The following SLC16A10 variants were observed in gnomAD, a reference collection of about 807,000 sequenced individuals.
SLC16A10 encodes monocarboxylate transporter 10.
In SLC16A10, 27 loss-of-function variants were observed where a neutral mutation model predicts 40.0. That is an observed-to-expected ratio of 0.67 (90% CI 0.50 to 0.93). SLC16A10 has a LOEUF of 0.93. SLC16A10 is among the 40% of genes least tolerant of loss of function. The pLI is 0.00. For missense variants in SLC16A10, 529 were observed against 658.2 expected (o/e 0.80, Z 2.15); for synonymous variants, 213 against 249.8 (o/e 0.85, Z 1.39).
chr6:111,149,436 T>G (rs983058867), intron 1 of SLC16A10, among the ~76,000 whole-genome samples: 3 of 152,254 alleles, frequency 2.0e-5, no homozygotes, highest in African/African-American at 7.2e-5. Flanking sequence ...TTGTGAAGTC[T>G]TGTTCATCAT....
intron 3 of SLC16A10, among the ~76,000 whole-genome samples, chr6:111,192,706 A>T (rs1773015640): frequency 6.6e-6 from 1 of 152,188 alleles, no homozygotes; most frequent in African/African-American, 2.4e-5. Flanking sequence ...GAGGCCTCAC[A>T]ATCATGGTGG....
intron 1 of SLC16A10, among the ~76,000 whole-genome samples, chr6:111,139,092 C>CTTCTT (rs202229156): frequency 0.46 from 55,347 of 119,144 alleles, 13,195 homozygotes; most frequent in East Asian, 0.65. Context: ...TCTTCTTCTT[C>CTTCTT]TTTTTTTTTT....
At chr6:111,113,676 G>A (rs553628030) in intron 1 of SLC16A10, among the ~76,000 whole-genome samples, 2 of 152,292 alleles carry the variant, frequency 1.3e-5, no homozygotes, top group African/African-American at 4.8e-5. Context: ...GACAGACAGT[G>A]GGTACAGGTC....
At chr6:111,119,122 C>T (rs535951427) in intron 1 of SLC16A10, among the ~76,000 whole-genome samples, 10 of 152,102 alleles carry the variant, frequency 6.6e-5, no homozygotes, top group Non-Finnish European at 1.2e-4. Flanking sequence ...AACTTAATAT[C>T]GCTGACACAA....
chr6:111,175,636 GTTA>G (rs1025687529), intron 2 of SLC16A10, among the ~76,000 whole-genome samples: 4 of 151,884 alleles, frequency 2.6e-5, no homozygotes, highest in African/African-American at 9.7e-5. Flanking sequence ...TTTGTTCTGT[GTTA>G]TTATTATTTG....
At chr6:111,144,837 A>G (rs906058181) in intron 1 of SLC16A10, among the ~76,000 whole-genome samples, 2 of 152,080 alleles carry the variant, frequency 1.3e-5, no homozygotes, top group Admixed American at 1.3e-4. Context: ...GTTTGTTTTA[A>G]AAACATTCTT....
At chr6:111,090,631 GCA>G (rs368322303) in intron 1 of SLC16A10, among the ~76,000 whole-genome samples, 2 of 151,090 alleles carry the variant, frequency 1.3e-5, no homozygotes, top group African/African-American at 2.4e-5. Context: ...TTCCTTCAGT[GCA>G]CACACACACA....
intron 4 of SLC16A10, among the ~76,000 whole-genome samples, chr6:111,216,408 T>C (rs1169919745): frequency 1.3e-5 from 2 of 151,968 alleles, no homozygotes; most frequent in African/African-American, 4.8e-5. Context: ...ATTCTTTTCT[T>C]TTCTTTTTTT....
chr6:111,098,445 A>G (rs1418371377), intron 1 of SLC16A10, among the ~76,000 whole-genome samples: 1 of 152,238 alleles, frequency 6.6e-6, no homozygotes, highest in Non-Finnish European at 1.5e-5. Context: ...ATTTTTAAAA[A>G]GAGTAAATTG....
chr6:111,208,625 GT>G (rs1773293101), intron 4 of SLC16A10, among the ~76,000 whole-genome samples: 1 of 152,054 alleles, frequency 6.6e-6, no homozygotes, highest in South Asian at 2.1e-4. Context: ...GTGGAATGGA[GT>G]GGAGGAGGGG....
intron 1 of SLC16A10, among the ~76,000 whole-genome samples, chr6:111,170,351 T>A (rs2114539282): frequency 6.6e-6 from 1 of 152,336 alleles, no homozygotes; most frequent in African/African-American, 2.4e-5. Flanking sequence ...TATCTAAAAG[T>A]AGATGTTAGT....
intron 1 of SLC16A10, among the ~76,000 whole-genome samples, chr6:111,128,867 TTTTA>T (rs1162155698): frequency 1.3e-5 from 2 of 152,042 alleles, no homozygotes; most frequent in African/African-American, 4.8e-5. Flanking sequence ...TTCATATTCA[TTTTA>T]TTTTTTCATA....
Position 111,177,484 on chromosome 6 carries a change from TTGCTACCAG to T in SLC16A10, c.763_771del (p.Ala255_Ser257del). 6.2e-7 allele frequency: 1 copy of T among 1,614,112 alleles called. No homozygotes were observed. Among genetic ancestry groups the T allele is most frequent in the African/African-American group, 1.3e-5 (1 of 75,036 alleles). ...CTGGCTGGCTTTACTTACCGACCTC[TTGCTACCAG>T]TACCAAAGATAAAGAGAGTGGAGGT... On this transcript the variant is annotated inframe_deletion, in exon 3 of 6. Coordinates refer to ENST00000368851, the MANE Select transcript of SLC16A10 (RefSeq NM_018593.5).
chr6:111,088,680 A>G (rs958723055), intron 1 of SLC16A10, among the ~76,000 whole-genome samples: 7 of 152,142 alleles, frequency 4.6e-5, no homozygotes, highest in Non-Finnish European at 2.9e-5. Context: ...TCTGGGTTAA[A>G]TGTAGAAAAC....
rs373534039 is a variant in SLC16A10, at chr6:111,229,563, G to T, written c.*7328G>T. The T allele has an allele frequency of 6.6e-5, 10 of 152,056 alleles. No individual in the cohort carries two copies. The allele number at this position is 152,056 out of a possible 1,614,324, so 9.4% of individuals were successfully genotyped here. On this transcript the variant is annotated 3_prime_UTR_variant, in exon 6 of 6. Coordinates refer to ENST00000368851, the MANE Select transcript of SLC16A10 (RefSeq NM_018593.5). ...ACATTTGGACATTTGAAACTATTTCGCAACTTTCAGGCTAAAATCAGAGTT... is the reference window on the plus strand; with the variant it reads ...ACATTTGGACATTTGAAACTATTTCTCAACTTTCAGGCTAAAATCAGAGTT...
chr6:111,195,929 A>G (rs1246742626), intron 3 of SLC16A10, among the ~76,000 whole-genome samples: 1 of 152,196 alleles, frequency 6.6e-6, no homozygotes, highest in African/African-American at 2.4e-5. Context: ...TTTAAAATAT[A>G]GGCAGTCCTC....
chr6:111,174,998 C>A (rs76936564), intron 2 of SLC16A10, among the ~76,000 whole-genome samples: 7,132 of 152,172 alleles, frequency 0.047, 537 homozygotes, highest in African/African-American at 0.16. Context: ...TATTAAATTT[C>A]GTTATTTAGC....
In SLC16A10 at chr6:111,223,392, T is replaced by G. The variant is rs896553219; in HGVS notation, c.*1157T>G. 1 of 152,156 alleles carries G rather than the reference T, an allele frequency of 6.6e-6. No individual in the cohort carries two copies. The highest frequency in any genetic ancestry group is 6.6e-5 in the Admixed American group (1 of 15,266). 9.4% of individuals were successfully genotyped at this position (152,156 alleles called of 1,614,324 possible). A position where few individuals can be genotyped will look rare whatever the true frequency, so the allele number is the denominator to read the frequency against. The stretch of plus-strand genomic sequence containing the variant: ...AGATTATCATAAGAAAGCTCTCAGT[T>G]TGAGGACCCAAAATAAAACCAAAGT... On this transcript the variant is annotated 3_prime_UTR_variant, in exon 6 of 6. Transcript: ENST00000368851.
chr6:111,128,383 A>T (rs1407976216), intron 1 of SLC16A10, among the ~76,000 whole-genome samples: 1 of 151,908 alleles, frequency 6.6e-6, no homozygotes, highest in African/African-American at 2.4e-5. Flanking sequence ...CCTACACTTA[A>T]CTCTACACTA....
Sources: allele counts gnomAD v4.1 joint callset (sites outside exome capture counted in the v4.1 genomes callset), GRCh38; gene constraint gnomAD v4.1.1; transcripts MANE v1.5; gene names NCBI Gene and HGNC (gene_info 2026-07-23, HGNC 2026-07-21).